Variants in RTTN observed in about 807,000 individuals in gnomAD.
RTTN encodes rotatin.
A neutral mutation model predicts 269.2 loss-of-function variants in RTTN; 182 were observed. The observed-to-expected ratio is 0.68, with a 90% CI of 0.60 to 0.76. RTTN has a LOEUF of 0.76. Among genes scored for constraint, RTTN ranks in the 30% least tolerant of loss-of-function variants. RTTN has a pLI of 0.00. For missense variants in RTTN, 2,545 were observed against 2,608.6 expected, an observed-to-expected ratio of 0.98 and a Z score of 0.53; for synonymous variants, 1,006 against 963.5, an observed-to-expected ratio of 1.04 and a Z score of -0.82.
chr18:70,146,921 T>C (rs1398834033), intron 17 of RTTN, among the ~76,000 whole-genome samples: 1 of 152,218 alleles, frequency 6.6e-6, no homozygotes, highest in Non-Finnish European at 1.5e-5. Flanking sequence ...ATTTCCTGAG[T>C]TACCTCAAGA....
rs138319125 is a variant in RTTN at position 70,075,096 on chromosome 18, T to C, written c.4564+256A>G. On this transcript the variant is annotated intron_variant, in intron 33 of 48. Coordinates refer to ENST00000640769, the MANE Select transcript of RTTN (RefSeq NM_173630.4). ...ATGAAGAATTTATAACATAGAAAAA[T>C]GCTTGCAGAATATTTAGTGAAAGAA... 2.8e-3 allele frequency: 773 copies of C among 278,722 alleles called. 25 individuals are homozygous for C. The Admixed American group carries it at 0.038, about 14-fold the overall frequency. The allele number at this position is 278,722 out of a possible 1,614,324, so 17.3% of individuals were successfully genotyped here. A position where few individuals can be genotyped will look rare whatever the true frequency, so the allele number is the denominator to read the frequency against.
intron 15 of RTTN, among the ~76,000 whole-genome samples, 186 bp downstream of exon 15, chr18:70,150,422 A>G (rs944537096): frequency 6.6e-6 from 1 of 152,156 alleles, no homozygotes; most frequent in African/African-American, 2.4e-5. Context: ...TGTGTCCTGT[A>G]TTTTTATTCC....
intron 38 of RTTN, chr18:70,053,233 A>C (rs574608074): frequency 6.6e-6 from 1 of 152,356 alleles, no homozygotes; most frequent in Non-Finnish European, 1.5e-5. Flanking sequence ...AGATTGTCTC[A>C]GGTAGAGTTG....
chr18:70,081,236 T>G (rs2058559862), intron 32 of RTTN, among the ~76,000 whole-genome samples: 1 of 151,952 alleles, frequency 6.6e-6, no homozygotes, highest in African/African-American at 2.4e-5. Context: ...ACTGCTGAGG[T>G]GATGGGTACA....
At chr18:70,095,917 C>G (rs2058990312) in intron 28 of RTTN, among the ~76,000 whole-genome samples, 1 of 151,864 alleles carries the variant, frequency 6.6e-6, no homozygotes, top group African/African-American at 2.4e-5. Flanking sequence ...CTCCCTGTCA[C>G]TTTCAGGTAC....
At chr18:70,013,150 A>G (rs1317890381) in intron 46 of RTTN, among the ~76,000 whole-genome samples, 4 of 152,076 alleles carry the variant, frequency 2.6e-5, no homozygotes, top group African/African-American at 9.7e-5. Context: ...TTGCAGATGC[A>G]ATTTATCACG....
chr18:70,149,123 C>A, intron 16 of RTTN, 86 bp from the exon 17 acceptor site: 1 of 1,145,194 alleles, frequency 8.7e-7, no homozygotes, highest in Non-Finnish European at 1.3e-6. Context: ...ATTGTCCTAT[C>A]AGCAACTCAT....
At chr18:70,073,257 TCA>T (rs2058343691) in intron 34 of RTTN, among the ~76,000 whole-genome samples, 1 of 152,090 alleles carries the variant, frequency 6.6e-6, no homozygotes, top group Non-Finnish European at 1.5e-5. Flanking sequence ...TTATAAATAC[TCA>T]GTGTTTCAAA....
At chr18:70,026,258 A>G (rs949301718) in intron 43 of RTTN, among the ~76,000 whole-genome samples, 1 of 152,088 alleles carries the variant, frequency 6.6e-6, no homozygotes, top group East Asian at 1.9e-4. Context: ...ATCATTTCTG[A>G]TAAGAGTCTG....
At chr18:70,014,817 G>A (rs930501651) in intron 46 of RTTN, among the ~76,000 whole-genome samples, 9 of 152,092 alleles carry the variant, frequency 5.9e-5, no homozygotes, top group Non-Finnish European at 8.8e-5. Flanking sequence ...TTGGGGAATC[G>A]CGGCTTCTGT....
In RTTN at chr18:70,204,161, T is replaced by C. The variant is rs375272609; in HGVS notation, c.322A>G (p.Ile108Val). ...EPNLQAEIDG[I>V]LDGLFLLPSE... Reference sequence around the variant, plus strand: ...GGAAGAAGAAAAAGTCCATCCAGAATGCCATCAATTTCAGCCTGCAGATTT... The same window carrying C: ...GGAAGAAGAAAAAGTCCATCCAGAACGCCATCAATTTCAGCCTGCAGATTT... The change falls in exon 3 of 49, where the codon ATT becomes GTT. Residue 108 changes from isoleucine to valine, a missense_variant. Coordinates refer to ENST00000640769, the MANE Select transcript of RTTN (RefSeq NM_173630.4). The C allele has an allele frequency of 7.8e-5, 126 of 1,614,088 alleles. 1 individual carries two copies. The highest frequency in any genetic ancestry group is 3.3e-4 in the Middle Eastern group (2 of 6,062).
intron 43 of RTTN, among the ~76,000 whole-genome samples, chr18:70,026,007 A>G (rs1470276293): frequency 1.3e-5 from 2 of 152,208 alleles, no homozygotes; most frequent in Admixed American, 1.3e-4. Context: ...AGAAACAAAC[A>G]TACTCATTTC....
chr18:70,178,472 T>C (rs538237624), intron 10 of RTTN, among the ~76,000 whole-genome samples: 8 of 152,138 alleles, frequency 5.3e-5, no homozygotes, highest in African/African-American at 1.9e-4. Context: ...AAAAGTTGCA[T>C]AGATAATGAT....
At chr18:70,055,397 T>C (rs1297445521) in intron 37 of RTTN, among the ~76,000 whole-genome samples, 1 of 152,148 alleles carries the variant, frequency 6.6e-6, no homozygotes, top group African/African-American at 2.4e-5. Context: ...GAGAGCCTGT[T>C]GTAAATTTGT....
chr18:70,156,735 C>T lies in RTTN; in HGVS notation c.1930-6002G>A, dbSNP rs574035967. On this transcript the variant is annotated intron_variant, in intron 14 of 48. Coordinates refer to ENST00000640769, the MANE Select transcript of RTTN (RefSeq NM_173630.4). The stretch of plus-strand genomic sequence containing the variant: ...CTGTCCCTTTATTTCCCAACCCAGC[C>T]GACACTTAGGGAAAACAGAAAAGAA... Among the ~76,000 whole-genome samples the T allele has an allele frequency of 2.6e-5, 4 of 152,236 alleles. No homozygotes were observed. The East Asian group carries it at 5.8e-4, about 22-fold the overall frequency.
chr18:70,124,329 C>T (rs528628376), intron 25 of RTTN, among the ~76,000 whole-genome samples: 1 of 152,084 alleles, frequency 6.6e-6, no homozygotes, highest in South Asian at 2.1e-4. Context: ...TATACTATGA[C>T]TTATGCGATA....
intron 40 of RTTN, among the ~76,000 whole-genome samples, chr18:70,045,783 A>G (rs577207513): frequency 6.6e-6 from 1 of 152,294 alleles, no homozygotes; most frequent in African/African-American, 2.4e-5. Context: ...ACGAACACAA[A>G]GAGTATGATT....
At chr18:70,036,346 A>G (rs2057170914) in intron 40 of RTTN, among the ~76,000 whole-genome samples, 1 of 152,248 alleles carries the variant, frequency 6.6e-6, no homozygotes, top group Admixed American at 6.5e-5. Context: ...CATATACACC[A>G]TGGAATACTA....
chr18:70,037,449 T>A (rs992032388), intron 40 of RTTN, among the ~76,000 whole-genome samples: 3 of 152,160 alleles, frequency 2.0e-5, no homozygotes, highest in Non-Finnish European at 4.4e-5. Context: ...AACAGGGCAC[T>A]GGGCAGAGTT....
Sources: gnomAD v4.1 joint callset for allele counts (sites outside exome capture counted in the v4.1 genomes callset) on GRCh38, gnomAD v4.1.1 for gene constraint, MANE v1.5 for transcripts, NCBI Gene and HGNC (gene_info 2026-07-23, HGNC 2026-07-21) for gene names.